IST1: variants seen among roughly 807,000 people sequenced by gnomAD.
IST1 encodes the protein IST1 homolog.
A neutral mutation model predicts 37.0 loss-of-function variants in IST1; 23 were observed. The ratio of observed to expected loss-of-function variants is 0.62; its 90% CI spans 0.45 to 0.88. IST1 has a LOEUF of 0.88. Among genes scored for constraint, IST1 ranks in the 40% least tolerant of loss-of-function variants. The probability of loss-of-function intolerance (pLI) is 0.00; values close to 1 mark genes in which losing one functional copy is unlikely to be tolerated. For missense variants in IST1, 488 were observed against 445.4 expected (o/e 1.10, Z -0.86); for synonymous variants, 180 against 161.7 (o/e 1.11, Z -0.86).
chr16:71,900,434 T>C (rs1010846285), intron 1 of IST1, among the ~76,000 whole-genome samples: 2 of 151,398 alleles, frequency 1.3e-5, no homozygotes, highest in Admixed American at 6.6e-5. Flanking sequence ...GCAGCAGTTC[T>C]GATTCTTTTC....
At chr16:71,924,288 A>T (rs924009216) in intron 8 of IST1, 1 of 413,740 alleles carries the variant, frequency 2.4e-6, no homozygotes, top group Admixed American at 2.8e-5. Context: ...TATGGTAAGG[A>T]TTTTTTTTTC....
intron 1 of IST1, among the ~76,000 whole-genome samples, chr16:71,906,768 C>T (rs1044881874): frequency 6.6e-6 from 1 of 152,050 alleles, no homozygotes; most frequent in Non-Finnish European, 1.5e-5. Context: ...AACGTTGTTT[C>T]GCTTCCTTTT....
intron 9 of IST1, among the ~76,000 whole-genome samples, 194 bp downstream of exon 9, chr16:71,925,011 AT>A (rs539063040): frequency 0.04 from 5,336 of 132,256 alleles, 82 homozygotes; most frequent in Non-Finnish European, 0.052. Context: ...TAGCTCAGTG[AT>A]TTTTTTTTTT....
rs71153680 is a variant in IST1 at position 71,899,996 on chromosome 16, C to CAA, written c.-16+4426_-16+4427dup. ...TCGGCGACAGAACAAGACTCTGTCT[C>CAA]AAAAAAAAAAAAAAAAAAAATTAGC... is the stretch of plus-strand genomic sequence containing the variant. On this transcript the variant is annotated intron_variant, in intron 1 of 9. Transcript: ENST00000378799. Among the ~76,000 whole-genome samples, 1,037 of 117,786 alleles carry CAA rather than the reference C, an allele frequency of 8.8e-3. 12 individuals are homozygous for CAA. Among genetic ancestry groups the CAA allele is most frequent in the Admixed American group, 0.012 (130 of 10,932 alleles). 77.3% of individuals were successfully genotyped at this position (117,786 alleles called of 152,430 possible).
At chr16:71,919,725 T>C (rs1567470656) in intron 4 of IST1, among the ~76,000 whole-genome samples, 1 of 152,178 alleles carries the variant, frequency 6.6e-6, no homozygotes, top group Non-Finnish European at 1.5e-5. Flanking sequence ...AAAGCATCAC[T>C]TCCCTCAGGA....
At position 71,921,538 on chromosome 16, in the gene IST1, C is replaced by G. The variant is rs1412119621; in HGVS notation, c.552+85C>G. 6.4e-6 allele frequency: 5 copies of G among 786,672 alleles called. No homozygotes were observed. In the African/African-American group the frequency reaches 8.6e-5, roughly 13 times the overall value. 48.7% of individuals were successfully genotyped at this position (786,672 alleles called of 1,614,324 possible). A position where few individuals can be genotyped will look rare whatever the true frequency, so the allele number is the denominator to read the frequency against. The stretch of plus-strand genomic sequence containing the variant: ...ACAAAAAAAACATTCTTTGCACTAA[C>G]TTAAATTTGTGTGAGTTTAAGCCTT... On this transcript the variant is annotated intron_variant, in intron 6 of 9. Coordinates refer to ENST00000378799, the MANE Select transcript of IST1 (RefSeq NM_001270975.2).
intron 1 of IST1, among the ~76,000 whole-genome samples, chr16:71,910,596 ACT>A (rs929235608): frequency 4.9e-5 from 7 of 143,376 alleles, no homozygotes; most frequent in African/African-American, 1.5e-4. Context: ...ACAGAGCAAG[ACT>A]CTGTCTCAAA....
chr16:71,910,479 G>A (rs1189925347), intron 1 of IST1, among the ~76,000 whole-genome samples: 5 of 152,008 alleles, frequency 3.3e-5, no homozygotes, highest in Admixed American at 1.3e-4. Context: ...GGTGGCGGGC[G>A]CCCGTAGTCC....
At chr16:71,925,590 A>G (rs921309519) in intron 9 of IST1, among the ~76,000 whole-genome samples, 16 of 152,128 alleles carry the variant, frequency 1.1e-4, no homozygotes, top group Non-Finnish European at 2.1e-4. Context: ...CTGAGATTAC[A>G]GGCATGAGCC....
In IST1 at chr16:71,930,145, G is replaced by T. The variant is rs369321261; in HGVS notation, c.*2332G>T. The T allele has an allele frequency of 1.1e-5, 17 of 1,551,372 alleles. No individual in the cohort carries two copies. The highest frequency in any genetic ancestry group is 2.7e-5 in the African/African-American group (2 of 73,044). ...GTACCATCAAGATGACACTGGTGAG[G>T]ATCAGAAAGGTGCCCAGGACTGGGT... On this transcript the variant is annotated 3_prime_UTR_variant, in exon 10 of 10. Coordinates refer to ENST00000378799, the MANE Select transcript of IST1 (RefSeq NM_001270975.2).
intron 4 of IST1, among the ~76,000 whole-genome samples, chr16:71,918,329 T>A (rs2037509172): frequency 6.6e-6 from 1 of 151,984 alleles, no homozygotes; most frequent in Non-Finnish European, 1.5e-5. Flanking sequence ...AGAATAAACT[T>A]CCAATAGTCC....
chr16:71,924,039 C>T (rs1018174952), intron 8 of IST1: 1 of 444,852 alleles, frequency 2.2e-6, no homozygotes, highest in Non-Finnish European at 4.5e-6. Context: ...CTAGGAAGAT[C>T]TTCCTGTTCC....
chr16:71,917,620 C>T (rs1446989891), intron 4 of IST1, among the ~76,000 whole-genome samples: 1 of 152,206 alleles, frequency 6.6e-6, no homozygotes, highest in Non-Finnish European at 1.5e-5. Flanking sequence ...TTGCACATCA[C>T]AACATGGATA....
upstream of IST1, chr16:71,895,286 G>C (rs891956335): frequency 6.4e-6 from 1 of 155,900 alleles, no homozygotes; most frequent in Admixed American, 6.5e-5. Flanking sequence ...CGAAATTAAG[G>C]GCATGCCCCC....
chr16:71,911,656 C>A (rs1399753816), intron 1 of IST1, among the ~76,000 whole-genome samples: 1 of 151,746 alleles, frequency 6.6e-6, no homozygotes, highest in Non-Finnish European at 1.5e-5. Context: ...TGTATGTTCC[C>A]CTCTGTATAC....
chr16:71,917,209 T>C, intron 4 of IST1, 75 bp downstream of exon 4: 1 of 855,696 alleles, frequency 1.2e-6, no homozygotes, highest in South Asian at 1.5e-5. Flanking sequence ...AAGTTACTTC[T>C]GCTGATTTGA....
At chr16:71,894,627 G>A, upstream of IST1, 1 of 494,858 alleles carries the variant, frequency 2.0e-6, no homozygotes, top group Non-Finnish European at 3.6e-6. Flanking sequence ...CTGGGCTCAA[G>A]CGATCTTCCT....
chr16:71,896,229 C>G (rs1193965878), intron 1 of IST1, among the ~76,000 whole-genome samples: 3 of 152,024 alleles, frequency 2.0e-5, no homozygotes, highest in Non-Finnish European at 2.9e-5. Flanking sequence ...TTGTTTTTCT[C>G]GGTGCTCTTC....
intron 1 of IST1, 89 bp downstream of exon 1, chr16:71,895,678 C>A: frequency 2.2e-6 from 1 of 464,066 alleles, no homozygotes; most frequent in Non-Finnish European, 2.8e-6. Flanking sequence ...GCGCTAGGGC[C>A]CGGGATTCAA....
Sources: gnomAD v4.1 joint callset for allele counts (sites outside exome capture counted in the v4.1 genomes callset) on GRCh38, gnomAD v4.1.1 for gene constraint, MANE v1.5 for transcripts, NCBI Gene and HGNC (gene_info 2026-07-23, HGNC 2026-07-21) for gene names.